Variants in CFAP61 observed in about 807,000 individuals in gnomAD.
CFAP61 encodes the protein cilia- and flagella-associated protein 61.
In CFAP61, 107 loss-of-function variants were observed where a neutral mutation model predicts 135.6. The observed-to-expected ratio is 0.79, with a 90% CI of 0.67 to 0.93. The LOEUF is 0.93. CFAP61 is among the 40% of genes least tolerant of loss of function. CFAP61 has a pLI of 0.00. For synonymous variants in CFAP61, 575 were observed against 578.5 expected (o/e 0.99, Z 0.09); for missense variants, 1,507 against 1,556.2 (o/e 0.97, Z 0.53).
intron 25 of CFAP61, among the ~76,000 whole-genome samples, chr20:20,312,848 T>C (rs1397286976): frequency 6.6e-6 from 1 of 152,218 alleles, no homozygotes; most frequent in East Asian, 1.9e-4. Context: ...TTATATATTA[T>C]GTAACAGCTC....
intron 25 of CFAP61, among the ~76,000 whole-genome samples, chr20:20,327,310 C>G (rs937741486): frequency 2.6e-5 from 4 of 152,034 alleles, no homozygotes; most frequent in African/African-American, 7.2e-5. Flanking sequence ...GGAGATAGTG[C>G]CCACCCTTGT....
chr20:20,089,650 C>G (rs1314165076), intron 6 of CFAP61, among the ~76,000 whole-genome samples: 1 of 150,174 alleles, frequency 6.7e-6, no homozygotes, highest in African/African-American at 2.4e-5. Flanking sequence ...ACTAAACTTA[C>G]CCAAGAATGT....
chr20:20,132,379 G>T (rs1468691482), intron 8 of CFAP61, among the ~76,000 whole-genome samples: 7 of 151,500 alleles, frequency 4.6e-5, no homozygotes. Context: ...TAGTTTAATT[G>T]CATTGCAGTC....
chr20:20,213,538 T>C (rs1380686762), intron 17 of CFAP61, among the ~76,000 whole-genome samples: 2 of 150,500 alleles, frequency 1.3e-5, no homozygotes, highest in East Asian at 3.9e-4. Context: ...ACACTGTATC[T>C]GTTTAAGAAA....
intron 6 of CFAP61, among the ~76,000 whole-genome samples, chr20:20,079,236 G>T (rs1314337045): frequency 6.6e-6 from 1 of 152,092 alleles, no homozygotes; most frequent in Non-Finnish European, 1.5e-5. Flanking sequence ...CTAGTCCTCA[G>T]TTTTCTCTCA....
intron 9 of CFAP61, among the ~76,000 whole-genome samples, chr20:20,148,110 C>T (rs1449504237): frequency 6.6e-6 from 1 of 152,098 alleles, no homozygotes; most frequent in Non-Finnish European, 1.5e-5. Flanking sequence ...TGTTGGTCTA[C>T]ATGCCTATTT....
At chr20:20,082,200 A>G (rs546959725) in intron 6 of CFAP61, among the ~76,000 whole-genome samples, 1 of 152,234 alleles carries the variant, frequency 6.6e-6, no homozygotes, top group Admixed American at 6.5e-5. Context: ...CGTTTCAACG[A>G]TAGTTACTTG....
intron 17 of CFAP61, among the ~76,000 whole-genome samples, chr20:20,216,816 G>A (rs1218270709): frequency 6.6e-6 from 1 of 151,610 alleles, no homozygotes; most frequent in East Asian, 1.9e-4. Context: ...TTCATGGGAT[G>A]GGATCTTCAT....
At chr20:20,212,080 A>T (rs1414414122) in intron 17 of CFAP61, among the ~76,000 whole-genome samples, 4 of 152,230 alleles carry the variant, frequency 2.6e-5, no homozygotes, top group African/African-American at 9.6e-5. Flanking sequence ...TTTGCAGACA[A>T]CATCGATCCC....
chr20:20,134,523 A>G (rs146616955), intron 8 of CFAP61, among the ~76,000 whole-genome samples: 1 of 152,338 alleles, frequency 6.6e-6, no homozygotes, highest in East Asian at 1.9e-4. Flanking sequence ...ATTAGAATGC[A>G]TTACATGCTC....
chr20:20,355,560 G>C (rs1340928298), intron 26 of CFAP61, among the ~76,000 whole-genome samples: 2 of 137,060 alleles, frequency 1.5e-5, no homozygotes, highest in Non-Finnish European at 1.5e-5. Context: ...AGCAGAGATG[G>C]TCACACTGTG....
intron 7 of CFAP61, 30 bp from the exon 8 acceptor site, chr20:20,098,625 A>T: frequency 6.5e-7 from 1 of 1,531,006 alleles, no homozygotes; most frequent in Non-Finnish European, 8.7e-7. Flanking sequence ...AAAAAAAAAA[A>T]AGAATAATGA....
chr20:20,196,564 C>T lies in CFAP61; in HGVS notation c.1591-6C>T. The T allele has an allele frequency of 6.2e-7, 1 of 1,603,952 alleles. No individual in the cohort carries two copies. ...GTAGAAACCATCCCTTCTGTCTCTT[C>T]TGTAGGACATTGAGTACATACGGTC... On this transcript the variant is annotated splice_region_variant and splice_polypyrimidine_tract_variant and intron_variant, in intron 15 of 26. Coordinates refer to ENST00000245957, the MANE Select transcript of CFAP61 (RefSeq NM_015585.4).
At chr20:20,133,768 C>G (rs1204894467) in intron 8 of CFAP61, among the ~76,000 whole-genome samples, 1 of 152,144 alleles carries the variant, frequency 6.6e-6, no homozygotes, top group Non-Finnish European at 1.5e-5. Context: ...AAGACCTTAT[C>G]CCAAGTCTCA....
intron 25 of CFAP61, among the ~76,000 whole-genome samples, chr20:20,325,303 A>G (rs2057701589): frequency 6.6e-6 from 1 of 152,196 alleles, no homozygotes. Flanking sequence ...AGTGTTGACA[A>G]ATGTATACTG....
intron 8 of CFAP61, among the ~76,000 whole-genome samples, chr20:20,127,623 A>G (rs1487539545): frequency 6.8e-6 from 1 of 146,838 alleles, no homozygotes; most frequent in Non-Finnish European, 1.5e-5. Flanking sequence ...GGTGGAGGTG[A>G]CGGTTGGTGG....
intron 6 of CFAP61, among the ~76,000 whole-genome samples, chr20:20,086,573 C>T (rs1215989310): frequency 6.6e-6 from 1 of 152,002 alleles, no homozygotes; most frequent in Non-Finnish European, 1.5e-5. Flanking sequence ...GTGATGCCAC[C>T]AGCATGGGAC....
chr20:20,182,721 G>GCAATTAGAAA (rs1188544822), intron 13 of CFAP61, among the ~76,000 whole-genome samples: 5 of 152,126 alleles, frequency 3.3e-5, no homozygotes, highest in Non-Finnish European at 7.4e-5. Flanking sequence ...CTATGTAGAA[G>GCAATTAGAAA]CAATTAAAAG....
intron 3 of CFAP61, among the ~76,000 whole-genome samples, chr20:20,072,281 A>T (rs1313688414): frequency 6.6e-6 from 1 of 151,068 alleles, no homozygotes; most frequent in Admixed American, 6.6e-5. Context: ...CGCCCGGCTA[A>T]TTTTTTTGTA....
Sources: allele counts gnomAD v4.1 joint callset (sites outside exome capture counted in the v4.1 genomes callset), GRCh38; gene constraint gnomAD v4.1.1; transcripts MANE v1.5; gene names NCBI Gene and HGNC (gene_info 2026-07-23, HGNC 2026-07-21).